Variants in WASHC4 observed in about 807,000 individuals in gnomAD.
The protein encoded by WASHC4 is WASH complex subunit 7.
A neutral mutation model predicts 166.6 loss-of-function variants in WASHC4; 86 were observed. The ratio of observed to expected loss-of-function variants is 0.52; its 90% CI spans 0.43 to 0.62. The LOEUF is 0.62. Among genes scored for constraint, WASHC4 ranks in the 20% least tolerant of loss-of-function variants. The pLI is 0.00. For synonymous variants in WASHC4, 446 were observed against 451.6 expected, an observed-to-expected ratio of 0.99 and a Z score of 0.16; for missense variants, 1,262 against 1,382.4, an observed-to-expected ratio of 0.91 and a Z score of 1.38.
intron 14 of WASHC4, among the ~76,000 whole-genome samples, chr12:105,135,026 G>C (rs1196814): frequency 2.0e-5 from 3 of 151,520 alleles, no homozygotes; most frequent in African/African-American, 7.3e-5. Context: ...TGCTCATTTA[G>C]CTCTAATGTA....
chr12:105,134,330 C>T (rs1882121064), intron 14 of WASHC4, among the ~76,000 whole-genome samples: 1 of 152,046 alleles, frequency 6.6e-6, no homozygotes, highest in Admixed American at 6.5e-5. Flanking sequence ...CATTTCACGT[C>T]TACTTGAAAA....
chr12:105,126,038 G>A lies in WASHC4; in HGVS notation c.821G>A (p.Gly274Glu), dbSNP rs1566002024. The A allele has an allele frequency of 6.2e-7, 1 of 1,612,410 alleles. No individual in the cohort carries two copies. The highest frequency in any genetic ancestry group is 8.5e-7 in the Non-Finnish European group (1 of 1,178,866). Reference sequence around the variant, plus strand: ...GAACAACAATTTGATTCTCTCAATGGAGGAGTATCTGTGTCAAAAAATAGT... The same window carrying A: ...GAACAACAATTTGATTCTCTCAATGAAGGAGTATCTGTGTCAAAAAATAGT... ...CIEQQFDSLNGGVSVSKNSTF... is the reference protein window; with the variant it reads ...CIEQQFDSLNEGVSVSKNSTF... The change falls in exon 11 of 33, where the codon GGA becomes GAA. Residue 274 changes from glycine to glutamate, a missense_variant. By Grantham distance (98) the Gly-to-Glu change is moderately conservative. Coordinates refer to ENST00000332180, the MANE Select transcript of WASHC4 (RefSeq NM_015275.3).
intron 13 of WASHC4, among the ~76,000 whole-genome samples, chr12:105,132,787 AGTGT>A (rs58569487): frequency 0.17 from 23,881 of 142,230 alleles, 2,072 homozygotes; most frequent in Middle Eastern, 0.34. Context: ...TGAAAGAGGT[AGTGT>A]GTGTGTGTGT....
At chr12:105,139,854 A>T (rs990284252) in intron 15 of WASHC4, among the ~76,000 whole-genome samples, 5 of 150,900 alleles carry the variant, frequency 3.3e-5, no homozygotes, top group Non-Finnish European at 7.4e-5. Flanking sequence ...TAGTTTTAGT[A>T]TAGTTGAATT....
chr12:105,134,030 T>G, intron 14 of WASHC4, 134 bp downstream of exon 14: 1 of 759,482 alleles, frequency 1.3e-6, no homozygotes, highest in Admixed American at 2.4e-5. Context: ...TGTTGGGATC[T>G]GTGTGACTTA....
chr12:105,162,933 T>G, intron 30 of WASHC4, 88 bp downstream of exon 30: 1 of 686,932 alleles, frequency 1.5e-6, no homozygotes, highest in Non-Finnish European at 2.5e-6. Context: ...TAGGTCTATA[T>G]GTTCTTTATA....
chr12:105,118,238 AC>A (rs1050588859), intron 6 of WASHC4, among the ~76,000 whole-genome samples: 1 of 152,244 alleles, frequency 6.6e-6, no homozygotes, highest in Non-Finnish European at 1.5e-5. Context: ...TGCAGTGGGA[AC>A]AAAGAGATAG....
Position 105,156,764 on chromosome 12 carries a change from G to A in WASHC4, c.2797G>A (p.Gly933Ser). The change falls in exon 27 of 33, where the codon GGT (glycine) becomes AGT (serine). Residue 933 changes from glycine (G) to serine (S), a missense_variant. Transcript: ENST00000332180. The part of the protein sequence containing the change: ...MGYVRMIRSG[G>S]LHCSSNAIRF... ...CTATGTACGAATGATAAGATCTGGT[G>A]GTCTTCATTGTAGCAGCAATGCCAT... The A allele has an allele frequency of 6.2e-7, 1 of 1,612,582 alleles. No individual in the cohort carries two copies. The highest frequency in any genetic ancestry group is 8.5e-7 in the Non-Finnish European group (1 of 1,179,176).
intron 13 of WASHC4, among the ~76,000 whole-genome samples, chr12:105,129,821 A>G (rs1386376374): frequency 1.3e-5 from 2 of 152,262 alleles, no homozygotes; most frequent in African/African-American, 4.8e-5. Context: ...ACAGATAGTA[A>G]TGATAATAAT....
intron 10 of WASHC4, 75 bp from the exon 11 acceptor site, chr12:105,125,929 T>A: frequency 2.3e-6 from 3 of 1,324,942 alleles, no homozygotes; most frequent in Non-Finnish European, 3.2e-6. Context: ...TACACTGTAT[T>A]TAGTGTATGA....
chr12:105,111,308 C>T, intron 2 of WASHC4, 44 bp downstream of exon 2: 1 of 1,243,452 alleles, frequency 8.0e-7, no homozygotes, highest in Non-Finnish European at 1.2e-6. Flanking sequence ...ATTTTCTGGA[C>T]ATACTATATC....
At chr12:105,161,036 T>C (rs1884463036) in intron 29 of WASHC4, among the ~76,000 whole-genome samples, 1 of 152,170 alleles carries the variant, frequency 6.6e-6, no homozygotes, top group Admixed American at 6.5e-5. Flanking sequence ...AGGTATATAT[T>C]AGTAATAAGA....
At position 105,167,368 on chromosome 12, in the gene WASHC4, G is replaced by T. The variant is rs980070159; in HGVS notation, c.*437G>T. On this transcript the variant is annotated 3_prime_UTR_variant, in exon 33 of 33. Coordinates refer to ENST00000332180, the MANE Select transcript of WASHC4 (RefSeq NM_015275.3). Reference sequence around the variant, plus strand: ...GCTTAACAAAAGGAATGAGCCTGAAGTTCATAAAGAATACATATCAATATT... The same window carrying T: ...GCTTAACAAAAGGAATGAGCCTGAATTTCATAAAGAATACATATCAATATT... The T allele has an allele frequency of 1.2e-5, 2 of 169,744 alleles. No homozygotes were observed. The highest frequency in any genetic ancestry group is 1.4e-4 in the South Asian group (1 of 7,212). 10.5% of individuals were successfully genotyped at this position (169,744 alleles called of 1,614,324 possible).
chr12:105,143,415 T>C (rs2135798467), intron 20 of WASHC4, among the ~76,000 whole-genome samples, 172 bp downstream of exon 20: 1 of 152,152 alleles, frequency 6.6e-6, no homozygotes, highest in South Asian at 2.1e-4. Flanking sequence ...TGGTCTGTAA[T>C]TCATTTATTT....
At chr12:105,132,960 A>G (rs1881995428) in intron 13 of WASHC4, among the ~76,000 whole-genome samples, 1 of 152,032 alleles carries the variant, frequency 6.6e-6, no homozygotes, top group African/African-American at 2.4e-5. Context: ...CTGCATTATT[A>G]CAGTAGCTTT....
chr12:105,158,485 G>C (rs922894754), intron 28 of WASHC4, among the ~76,000 whole-genome samples: 3 of 152,160 alleles, frequency 2.0e-5, no homozygotes, highest in African/African-American at 7.2e-5. Flanking sequence ...TTATTAGGAG[G>C]AAATGTCCTG....
At chr12:105,166,449 T>C (rs1361370063) in intron 32 of WASHC4, among the ~76,000 whole-genome samples, 1 of 152,176 alleles carries the variant, frequency 6.6e-6, no homozygotes, top group Non-Finnish European at 1.5e-5. Context: ...AGTTTTGATA[T>C]GTGAGTTTGC....
intron 5 of WASHC4, 88 bp from the exon 6 acceptor site, chr12:105,115,573 G>GA (rs528329716): frequency 0.12 from 72,774 of 632,712 alleles, 1 homozygote; most frequent in South Asian, 0.15. Context: ...ATGTCCTAAT[G>GA]AAAAAAAAAA....
chr12:105,167,228 C>T lies in WASHC4; in HGVS notation c.*297C>T, dbSNP rs879143555. On this transcript the variant is annotated 3_prime_UTR_variant, in exon 33 of 33. Transcript: ENST00000332180. ...AATCCAGATTCATAAACTATCACCT[C>T]GGATTTCTTGTAATCTACATGTTTG... 13 of 354,892 alleles carry T rather than the reference C, an allele frequency of 3.7e-5. No individual in the cohort carries two copies. The highest frequency in any genetic ancestry group is 2.5e-4 in the African/African-American group (12 of 48,046). The allele number at this position is 354,892 out of a possible 1,614,324, so 22.0% of individuals were successfully genotyped here. A position where few individuals can be genotyped will look rare whatever the true frequency, so the allele number is the denominator to read the frequency against.
Sources: allele counts gnomAD v4.1 joint callset (sites outside exome capture counted in the v4.1 genomes callset), GRCh38; gene constraint gnomAD v4.1.1; transcripts MANE v1.5; gene names NCBI Gene and HGNC (gene_info 2026-07-23, HGNC 2026-07-21).